The following NCOA3 variants were observed in gnomAD, a reference collection of about 807,000 sequenced individuals.
The protein encoded by NCOA3 is nuclear receptor coactivator 3, also known as CBP-interacting protein.
Under a neutral mutation model 158.8 loss-of-function variants are expected in NCOA3, and 51 were observed. The ratio of observed to expected loss-of-function variants is 0.32; its 90% confidence interval spans 0.26 to 0.41. The LOEUF is 0.41. NCOA3 is among the 10% of genes least tolerant of loss of function. The probability of loss-of-function intolerance (pLI) is 1.00; values close to 1 mark genes in which losing one functional copy is unlikely to be tolerated. For missense variants in NCOA3, 1,510 were observed against 1,746.6 expected (o/e 0.86, Z 2.41); for synonymous variants, 537 against 592.4 (o/e 0.91, Z 1.36).
At chr20:47,532,801 G>A (rs1418306125) in intron 1 of NCOA3, among the ~76,000 whole-genome samples, 4 of 151,844 alleles carry the variant, frequency 2.6e-5, no homozygotes, top group Non-Finnish European at 5.9e-5. Context: ...TGTATTTTTG[G>A]TTATTCCAAA....
chr20:47,611,723 C>T (rs1022619685), intron 2 of NCOA3, among the ~76,000 whole-genome samples: 2 of 152,030 alleles, frequency 1.3e-5, no homozygotes, highest in Non-Finnish European at 2.9e-5. Flanking sequence ...ATCTGGGAGG[C>T]GGAAGTTTTA....
intron 8 of NCOA3, among the ~76,000 whole-genome samples, chr20:47,631,619 C>A (rs917579982): frequency 2.0e-5 from 3 of 152,192 alleles, no homozygotes; most frequent in South Asian, 2.1e-4. Flanking sequence ...ATTTGGTTAA[C>A]CCTCCAAGTT....
intron 17 of NCOA3, among the ~76,000 whole-genome samples, chr20:47,645,813 A>T (rs758083445): frequency 6.6e-6 from 1 of 152,192 alleles, no homozygotes; most frequent in East Asian, 1.9e-4. Flanking sequence ...GGGACAAAAT[A>T]GAAACATAGT....
At chr20:47,552,186 A>C (rs563396094) in intron 1 of NCOA3, among the ~76,000 whole-genome samples, 2 of 152,346 alleles carry the variant, frequency 1.3e-5, no homozygotes, top group Admixed American at 6.5e-5. Flanking sequence ...CATATCTAGC[A>C]AAGTTATACT....
intron 5 of NCOA3, among the ~76,000 whole-genome samples, chr20:47,626,322 C>T (rs2086320829): frequency 6.6e-6 from 1 of 152,166 alleles, no homozygotes; most frequent in Admixed American, 6.6e-5. Flanking sequence ...AATAGTAGAG[C>T]AGTTTCTGTA....
intron 1 of NCOA3, among the ~76,000 whole-genome samples, chr20:47,533,217 G>A (rs1260001011): frequency 2.1e-4 from 31 of 148,294 alleles, no homozygotes; most frequent in African/African-American, 7.7e-4. Flanking sequence ...TTTGGGAGGC[G>A]GAGGTTGCAG....
At chr20:47,639,360 G>A (rs1433188400) in intron 14 of NCOA3, among the ~76,000 whole-genome samples, 158 bp downstream of exon 14, 1 of 152,156 alleles carries the variant, frequency 6.6e-6, no homozygotes, top group Non-Finnish European at 1.5e-5. Context: ...TTTTGGTTAT[G>A]TAAACTCTTC....
At chr20:47,633,990 C>CTA (rs760970680) in intron 9 of NCOA3, 58 bp from the exon 10 acceptor site, 2 of 1,593,376 alleles carry the variant, frequency 1.3e-6, no homozygotes. Flanking sequence ...CTGTCCCCTC[C>CTA]TATATATATT....
At chr20:47,543,008 C>T (rs545563439) in intron 1 of NCOA3, among the ~76,000 whole-genome samples, 4 of 152,160 alleles carry the variant, frequency 2.6e-5, no homozygotes, top group Non-Finnish European at 5.9e-5. Flanking sequence ...TATTTATTAT[C>T]TTCCACAGTT....
chr20:47,615,840 A>T (rs964704408), intron 2 of NCOA3, among the ~76,000 whole-genome samples: 6 of 152,184 alleles, frequency 3.9e-5, no homozygotes, highest in African/African-American at 1.4e-4. Context: ...ATTGAAAGGT[A>T]TTCTCATTGT....
At chr20:47,503,508 T>C (rs1292431397) in intron 1 of NCOA3, among the ~76,000 whole-genome samples, 2 of 152,188 alleles carry the variant, frequency 1.3e-5, no homozygotes, top group African/African-American at 4.8e-5. Context: ...TAGAATATCC[T>C]TGGTCTTTGG....
chr20:47,651,361 C>CA lies in NCOA3; in HGVS notation c.3946+90dup. ...CATTACATTTATTGCACATGAAAGA[C>CA]AAAAACACGATTCACTCCCTCTTTA... On this transcript the variant is annotated intron_variant, in intron 20 of 22. Transcript: ENST00000371998. 2.0e-6 allele frequency: 3 copies of CA among 1,511,420 alleles called. No homozygotes were observed. In the South Asian group the frequency reaches 4.0e-5, roughly 20 times the overall value. 93.6% of individuals were successfully genotyped at this position (1,511,420 alleles called of 1,614,324 possible).
chr20:47,620,655 G>A (rs59207193), intron 2 of NCOA3, among the ~76,000 whole-genome samples: 1 of 152,186 alleles, frequency 6.6e-6, no homozygotes, highest in African/African-American at 2.4e-5. Context: ...AGGATAATTT[G>A]CATATGTAAT....
chr20:47,614,337 T>C (rs2146284090), intron 2 of NCOA3, among the ~76,000 whole-genome samples: 1 of 152,376 alleles, frequency 6.6e-6, no homozygotes, highest in Admixed American at 6.5e-5. Context: ...ATTTCAGTTT[T>C]GGGTAGAACT....
rs773838233 is a variant in NCOA3, at chr20:47,627,621, G to T, written c.593G>T (p.Arg198Leu). 1.2e-6 allele frequency: 2 copies of T among 1,613,974 alleles called. No individual in the cohort carries two copies. The highest frequency in any genetic ancestry group is 2.7e-5 in the African/African-American group (2 of 75,012). ...QRQKSHTFNC[R>L]MLMKTPHDIL... is the part of the protein sequence containing the mutation. ...CAAAAAAGCCATACATTTAATTGCC[G>T]TATGTTGATGAAAACACCACATGAT... The change falls in exon 7 of 23, where the codon CGT (arginine) becomes CTT (leucine). Residue 198 changes from arginine to leucine, a missense_variant. By Grantham distance (102) the Arg-to-Leu change is moderately radical. Around this residue, in one of 4 missense-constraint regions of NCOA3, gnomAD observed 309 missense variants for 427.1 expected, o/e 0.72. Coordinates refer to ENST00000371998, the MANE Select transcript of NCOA3 (RefSeq NM_181659.3).
At chr20:47,582,211 A>T (rs1456905068) in intron 1 of NCOA3, among the ~76,000 whole-genome samples, 1 of 152,006 alleles carries the variant, frequency 6.6e-6, no homozygotes, top group Non-Finnish European at 1.5e-5. Context: ...TTAATTAATT[A>T]ATTAATTTAC....
At chr20:47,580,665 CATAAG>C (rs1447837083) in intron 1 of NCOA3, among the ~76,000 whole-genome samples, 2 of 151,374 alleles carry the variant, frequency 1.3e-5, no homozygotes, top group South Asian at 2.1e-4. Context: ...AAGGAAAAAA[CATAAG>C]AGAACCATTT....
intron 1 of NCOA3, among the ~76,000 whole-genome samples, chr20:47,511,559 C>A (rs1569310961): frequency 3.9e-4 from 34 of 87,446 alleles, no homozygotes; most frequent in African/African-American, 4.9e-4. Context: ...ATATATATTT[C>A]TTTTTTTTTT....
intron 4 of NCOA3, among the ~76,000 whole-genome samples, 177 bp from the exon 5 acceptor site, chr20:47,625,204 T>A (rs1180710464): frequency 1.3e-5 from 2 of 152,352 alleles, no homozygotes; most frequent in Non-Finnish European, 2.9e-5. Flanking sequence ...TGGGCAACTA[T>A]GAAGTTTAGT....
Sources: allele counts gnomAD v4.1 joint callset (sites outside exome capture counted in the v4.1 genomes callset), GRCh38; gene constraint gnomAD v4.1.1; regional missense constraint gnomAD v4.1.1; transcripts MANE v1.5; gene names NCBI Gene and HGNC (gene_info 2026-07-23, HGNC 2026-07-21).